The following LTBP1 variants were observed in gnomAD, a reference collection of about 807,000 sequenced individuals.
LTBP1 encodes latent transforming growth factor beta binding protein 1, also known as latent-transforming growth factor beta-binding protein 1.
Under a neutral mutation model 207.6 loss-of-function variants are expected in LTBP1, and 129 were observed. The ratio of observed to expected loss-of-function variants is 0.62; its 90% CI spans 0.54 to 0.72. The LOEUF is 0.72. Among genes scored for constraint, LTBP1 ranks in the 30% least tolerant of loss-of-function variants. LTBP1 has a pLI of 0.00. For missense variants in LTBP1, 2,281 were observed against 2,217.2 expected (o/e 1.03, Z -0.58); for synonymous variants, 963 against 833.7 (o/e 1.16, Z -2.67).
chr2:33,151,222 G>A lies in LTBP1; in HGVS notation c.1201+16262G>A, dbSNP rs967302586. Among the ~76,000 whole-genome samples the A allele has an allele frequency of 2.0e-5, 3 of 152,140 alleles. No individual in the cohort carries two copies. In the East Asian group the frequency reaches 5.8e-4, roughly 29 times the overall value. On this transcript the variant is annotated intron_variant, in intron 5 of 33. Coordinates refer to ENST00000404816, the MANE Select transcript of LTBP1 (RefSeq NM_206943.4). ...TGTTGCTATGAGCCCTGATGTATAA[G>A]TATCTGTTTGAGTTCCTGCTTTGAA... is the stretch of plus-strand genomic sequence containing the variant.
intron 3 of LTBP1, among the ~76,000 whole-genome samples, chr2:33,042,195 T>A (rs2076222851): frequency 6.6e-6 from 1 of 152,384 alleles, no homozygotes. Context: ...TTAATTGTGC[T>A]ATTTATTTTC....
At chr2:33,376,185 T>G (rs927443442) in intron 31 of LTBP1, among the ~76,000 whole-genome samples, 8 of 152,214 alleles carry the variant, frequency 5.3e-5, no homozygotes, top group African/African-American at 1.7e-4. Flanking sequence ...CCTAATAAAT[T>G]TAAATAATGT....
chr2:33,356,413 C>G (rs762643933), intron 26 of LTBP1, among the ~76,000 whole-genome samples: 11 of 152,174 alleles, frequency 7.2e-5, no homozygotes, highest in Non-Finnish European at 1.5e-4. Context: ...GGCGAGGTGA[C>G]TCACGCCTGT....
At chr2:33,175,625 A>G (rs1194913044) in intron 5 of LTBP1, among the ~76,000 whole-genome samples, 2 of 152,198 alleles carry the variant, frequency 1.3e-5, no homozygotes, top group Admixed American at 6.5e-5. Flanking sequence ...AAGTAGAAAT[A>G]CCATTGGACC....
rs995549451 is a variant in LTBP1, at chr2:33,248,969, A to G, written c.2000-3708A>G. ...GGTAAGCTGCCTCTCAGACTCCTCA[A>G]AGCAGCTTTACCTGCTTCCTAGACC... On this transcript the variant is annotated intron_variant, in intron 10 of 33. Coordinates refer to ENST00000404816, the MANE Select transcript of LTBP1 (RefSeq NM_206943.4). Among the ~76,000 whole-genome samples the G allele has an allele frequency of 3.9e-5, 6 of 152,256 alleles. No homozygotes were observed. The South Asian group carries it at 1.2e-3, about 32-fold the overall frequency.
At chr2:32,983,625 A>G (rs72791715) in intron 2 of LTBP1, among the ~76,000 whole-genome samples, 21,942 of 152,216 alleles carry the variant, frequency 0.14, 2,028 homozygotes, top group Non-Finnish European at 0.21. Flanking sequence ...TAATTGAATC[A>G]CAGGGGCAGG....
At chr2:33,306,663 A>T (rs2094101212) in intron 22 of LTBP1, among the ~76,000 whole-genome samples, 1 of 152,006 alleles carries the variant, frequency 6.6e-6, no homozygotes. Flanking sequence ...TTCTTGTAGA[A>T]ATTCATATTC....
At chr2:33,297,715 C>T (rs910137161) in intron 20 of LTBP1, among the ~76,000 whole-genome samples, 3 of 152,068 alleles carry the variant, frequency 2.0e-5, no homozygotes, top group Non-Finnish European at 4.4e-5. Context: ...TCAGCCATTA[C>T]ACCCGGCCCT....
chr2:33,231,833 C>T (rs565320625), intron 9 of LTBP1, among the ~76,000 whole-genome samples: 5 of 152,266 alleles, frequency 3.3e-5, no homozygotes, highest in African/African-American at 1.2e-4. Context: ...CTTTGTGATA[C>T]GTGCTGGGAA....
intron 26 of LTBP1, among the ~76,000 whole-genome samples, chr2:33,354,995 C>T (rs1002400266): frequency 3.9e-5 from 6 of 152,158 alleles, no homozygotes; most frequent in Admixed American, 3.9e-4. Flanking sequence ...GATATACTCA[C>T]ACTGTTGCAT....
rs71409607 is a variant in LTBP1 at position 33,293,995 on chromosome 2, C to CTTTTTTTTTTTT, written c.3235+730_3235+741dup. 1.4e-4 allele frequency among the ~76,000 whole-genome samples: 7 copies of CTTTTTTTTTTTT among 48,834 alleles called. 2 individuals are homozygous for CTTTTTTTTTTTT. The highest frequency in any genetic ancestry group is 6.1e-4 in the African/African-American group (7 of 11,540). 32.0% of individuals were successfully genotyped at this position (48,834 alleles called of 152,430 possible). On this transcript the variant is annotated intron_variant, in intron 20 of 33. Coordinates refer to ENST00000404816, the MANE Select transcript of LTBP1 (RefSeq NM_206943.4). ...ATTAGTGAACAAAACTGGTACAGGTCTTTTTTTTTTTTTTTTTTTTTTTTT... is the reference window on the plus strand; with the variant it reads ...ATTAGTGAACAAAACTGGTACAGGTCTTTTTTTTTTTTTTTTTTTTTTTTTTTTTTTTTTTTT...
chr2:33,318,364 G>A (rs779253677), intron 24 of LTBP1, among the ~76,000 whole-genome samples: 4 of 152,144 alleles, frequency 2.6e-5, no homozygotes, highest in Non-Finnish European at 4.4e-5. Flanking sequence ...TCACGTAACC[G>A]GTATTTACTG....
At chr2:33,096,986 A>G (rs556780914) in intron 3 of LTBP1, among the ~76,000 whole-genome samples, 83 of 152,312 alleles carry the variant, frequency 5.4e-4, no homozygotes, top group African/African-American at 1.9e-3. Flanking sequence ...CTTATAGGGT[A>G]GAAGGAGTGG....
intron 7 of LTBP1, among the ~76,000 whole-genome samples, chr2:33,199,614 G>C (rs2088976708): frequency 1.3e-5 from 2 of 152,166 alleles, no homozygotes; most frequent in Non-Finnish European, 2.9e-5. Context: ...AGTGTTGGAA[G>C]TTCTGGCCAG....
chr2:33,111,221 G>C (rs1193381538), intron 4 of LTBP1, among the ~76,000 whole-genome samples: 3 of 152,170 alleles, frequency 2.0e-5, no homozygotes, highest in African/African-American at 7.2e-5. Flanking sequence ...TGGCGTGGCA[G>C]ATTTCTCTGA....
chr2:32,987,700 A>G (rs1683804874), intron 2 of LTBP1, among the ~76,000 whole-genome samples: 1 of 152,126 alleles, frequency 6.6e-6, no homozygotes, highest in Non-Finnish European at 1.5e-5. Flanking sequence ...CACTGTTGTT[A>G]TTGTTAATAT....
At chr2:33,125,604 G>A (rs1326892329) in intron 4 of LTBP1, among the ~76,000 whole-genome samples, 1 of 151,992 alleles carries the variant, frequency 6.6e-6, no homozygotes, top group African/African-American at 2.4e-5. Context: ...AGGCTGAGGC[G>A]GGTGGATCAC....
chr2:33,188,236 C>A (rs12104955), intron 6 of LTBP1, among the ~76,000 whole-genome samples: 1 of 151,726 alleles, frequency 6.6e-6, no homozygotes, highest in Non-Finnish European at 1.5e-5. Context: ...GCCTGGCCAA[C>A]GTGGTGAAAC....
At position 33,020,967 on chromosome 2, in the gene LTBP1, G is replaced by T. The variant is rs1573133978; in HGVS notation, c.624G>T (p.Val208=). 6.2e-7 allele frequency: 1 copy of T among 1,611,498 alleles called. No homozygotes were observed. Among genetic ancestry groups the T allele is most frequent in the East Asian group, 2.2e-5 (1 of 44,808 alleles). Residue 208 remains valine, a synonymous_variant, in exon 3 of 34, where the codon GTG becomes GTT. Coordinates refer to ENST00000404816, the MANE Select transcript of LTBP1 (RefSeq NM_206943.4). ...GGMCLRPQLC[V]CKPGTKGKAC... ...TGTGTCTCCGGCCACAACTCTGTGT[G>T]TGTAAACCAGGGACCAAGGGCAAAG...
Sources: gnomAD v4.1 joint callset for allele counts (sites outside exome capture counted in the v4.1 genomes callset) on GRCh38, gnomAD v4.1.1 for gene constraint, MANE v1.5 for transcripts, NCBI Gene and HGNC (gene_info 2026-07-23, HGNC 2026-07-21) for gene names.